Variants in PITPNC1 observed in about 807,000 individuals in gnomAD.
PITPNC1 encodes the protein phosphatidylinositol transfer protein cytoplasmic 1.
A neutral mutation model predicts 44.7 loss-of-function variants in PITPNC1; 18 were observed. The observed-to-expected ratio is 0.40, with a 90% CI of 0.28 to 0.60. PITPNC1 has a LOEUF of 0.60. Ranked by LOEUF, PITPNC1 falls within the 20% of genes least tolerant of loss-of-function variation. PITPNC1 has a pLI of 0.39. For missense variants in PITPNC1, 290 were observed against 418.4 expected, an observed-to-expected ratio of 0.69 and a Z score of 2.68; for synonymous variants, 141 against 149.6, an observed-to-expected ratio of 0.94 and a Z score of 0.42.
At chr17:67,486,662 TG>T in intron 1 of PITPNC1, among the ~76,000 whole-genome samples, 1 of 152,150 alleles carries the variant, frequency 6.6e-6, no homozygotes, top group Non-Finnish European at 1.5e-5. Flanking sequence ...GGCAGAAAGG[TG>T]ACGTTTTGAA....
At chr17:67,623,691 T>C (rs1281514475) in intron 5 of PITPNC1, among the ~76,000 whole-genome samples, 2 of 152,226 alleles carry the variant, frequency 1.3e-5, no homozygotes, top group Non-Finnish European at 2.9e-5. Context: ...CCTTAGATTT[T>C]ATTTTCTAGA....
At chr17:67,510,003 G>A (rs937521895) in intron 1 of PITPNC1, among the ~76,000 whole-genome samples, 1 of 152,204 alleles carries the variant, frequency 6.6e-6, no homozygotes, top group Non-Finnish European at 1.5e-5. Flanking sequence ...ACAATCTGCT[G>A]CCTTTATGCA....
intron 6 of PITPNC1, among the ~76,000 whole-genome samples, chr17:67,646,970 T>C (rs2537828): frequency 0.86 from 130,755 of 152,234 alleles, 56,499 homozygotes; most frequent in African/African-American, 0.95. Context: ...CCAAGTAAGA[T>C]TCCTTCAGGT....
At chr17:67,434,985 T>G (rs1237549297) in intron 1 of PITPNC1, among the ~76,000 whole-genome samples, 3 of 151,202 alleles carry the variant, frequency 2.0e-5, no homozygotes, top group Non-Finnish European at 4.4e-5. Context: ...GGCGGGCACC[T>G]GTAGTCCCAG....
At chr17:67,543,532 G>A (rs1252248589) in intron 2 of PITPNC1, among the ~76,000 whole-genome samples, 2 of 152,134 alleles carry the variant, frequency 1.3e-5, no homozygotes, top group Non-Finnish European at 2.9e-5. Context: ...GTGGTATCTC[G>A]CTGTAGTTTT....
chr17:67,552,457 T>C (rs2040779817), intron 3 of PITPNC1, 112 bp downstream of exon 3: 1 of 679,988 alleles, frequency 1.5e-6, no homozygotes, highest in Admixed American at 2.5e-5. Flanking sequence ...GGGAGCCCCG[T>C]AGTATCCCTC....
chr17:67,447,184 A>C (rs1027072336), intron 1 of PITPNC1, among the ~76,000 whole-genome samples: 2 of 150,602 alleles, frequency 1.3e-5, no homozygotes, highest in Non-Finnish European at 3.0e-5. Context: ...AGAGTGGCCA[A>C]CCTGGAGATT....
At chr17:67,654,076 G>T (rs1233675020) in intron 6 of PITPNC1, among the ~76,000 whole-genome samples, 2 of 152,156 alleles carry the variant, frequency 1.3e-5, no homozygotes, top group African/African-American at 4.8e-5. Flanking sequence ...GGGACAATCT[G>T]CTCTGCTCTC....
chr17:67,533,919 G>C (rs2040495391), intron 2 of PITPNC1, among the ~76,000 whole-genome samples: 3 of 151,408 alleles, frequency 2.0e-5, no homozygotes, highest in African/African-American at 7.3e-5. Context: ...TTTAAAGACA[G>C]AGTCTCACTC....
intron 2 of PITPNC1, among the ~76,000 whole-genome samples, chr17:67,543,784 A>G (rs2040639831): frequency 1.3e-5 from 2 of 152,134 alleles, no homozygotes; most frequent in Non-Finnish European, 2.9e-5. Context: ...GTACATTATG[A>G]TGGTTGCCTA....
intron 1 of PITPNC1, among the ~76,000 whole-genome samples, chr17:67,485,085 G>A (rs917104309): frequency 1.3e-5 from 2 of 152,152 alleles, no homozygotes; most frequent in African/African-American, 2.4e-5. Flanking sequence ...CCCTGAGGTT[G>A]GTAAGGAGTG....
chr17:67,540,096 TTTTATTTTATTTTA>T (rs1205397130), intron 2 of PITPNC1, among the ~76,000 whole-genome samples: 2 of 151,200 alleles, frequency 1.3e-5, no homozygotes, highest in Non-Finnish European at 2.9e-5. Flanking sequence ...TTTTATTTTA[TTTTATTTTATTTTA>T]TTTATTTTTT....
At position 67,696,265 on chromosome 17, in the gene PITPNC1, T is replaced by C. The variant is rs1231923967; in HGVS notation, c.*3377T>C. ...TGTAATAAACAGTGAACTAAGAGAA[T>C]AGATTCTGATACATCTCGATAAATC... On this transcript the variant is annotated 3_prime_UTR_variant, in exon 9 of 9. Coordinates refer to ENST00000581322, the MANE Select transcript of PITPNC1 (RefSeq NM_012417.4). 4 of 152,348 alleles carry C rather than the reference T, an allele frequency of 2.6e-5. No homozygotes were observed. Among genetic ancestry groups the C allele is most frequent in the East Asian group, 3.9e-4 (2 of 5,188 alleles). The allele number at this position is 152,348 out of a possible 1,614,324, so 9.4% of individuals were successfully genotyped here. A position where few individuals can be genotyped will look rare whatever the true frequency, so the allele number is the denominator to read the frequency against.
In PITPNC1 at chr17:67,598,857, C is replaced by T. The variant is rs1476329150; in HGVS notation, c.366+20600C>T. On this transcript the variant is annotated intron_variant, in intron 5 of 8. Transcript: ENST00000581322. Reference sequence around the variant, plus strand: ...GCAGTGAGCCGAGATCACGCCATTGCACTCCAGCCTGGGTGACAAGAGTGA... The same window carrying T: ...GCAGTGAGCCGAGATCACGCCATTGTACTCCAGCCTGGGTGACAAGAGTGA... 2.6e-5 allele frequency among the ~76,000 whole-genome samples: 4 copies of T among 151,382 alleles called. No homozygotes were observed. In the East Asian group the frequency reaches 5.8e-4, roughly 22 times the overall value.
intron 1 of PITPNC1, among the ~76,000 whole-genome samples, chr17:67,416,203 CTTTTTTT>C (rs71687631): frequency 8.9e-5 from 6 of 67,624 alleles, no homozygotes; most frequent in South Asian, 1.4e-3. Flanking sequence ...ACATGTATTG[CTTTTTTT>C]TTTTTTTTTT....
At chr17:67,668,244 T>C (rs2042453901) in intron 6 of PITPNC1, among the ~76,000 whole-genome samples, 1 of 152,250 alleles carries the variant, frequency 6.6e-6, no homozygotes, top group Non-Finnish European at 1.5e-5. Flanking sequence ...GTATATGCTA[T>C]TGCATTTGGC....
chr17:67,510,581 C>T (rs375102659), intron 1 of PITPNC1, among the ~76,000 whole-genome samples: 2 of 152,172 alleles, frequency 1.3e-5, no homozygotes, highest in African/African-American at 2.4e-5. Context: ...GGATTACAGG[C>T]GTGAGCCACC....
intron 4 of PITPNC1, among the ~76,000 whole-genome samples, chr17:67,573,812 C>T (rs1435455428): frequency 1.3e-5 from 2 of 152,190 alleles, no homozygotes; most frequent in Middle Eastern, 6.8e-3. Context: ...CCACACACCT[C>T]GGCCTCCCAA....
intron 6 of PITPNC1, among the ~76,000 whole-genome samples, chr17:67,667,462 A>G (rs1598959907): frequency 1.4e-5 from 2 of 139,108 alleles, no homozygotes; most frequent in Middle Eastern, 7.8e-3. Context: ...CTGGGAGGTC[A>G]AGGCCGCAGT....
Sources: gnomAD v4.1 joint callset for allele counts (sites outside exome capture counted in the v4.1 genomes callset) on GRCh38, gnomAD v4.1.1 for gene constraint, MANE v1.5 for transcripts, NCBI Gene and HGNC (gene_info 2026-07-23, HGNC 2026-07-21) for gene names.